The following GOLGA4 variants were observed in gnomAD, a reference collection of about 807,000 sequenced individuals.
GOLGA4 encodes the protein golgin A4, also known as golgin subfamily A member 4.
In GOLGA4, 169 loss-of-function variants were observed where a neutral mutation model predicts 265.9. The ratio of observed to expected loss-of-function variants is 0.64; its 90% CI spans 0.56 to 0.72. The LOEUF (loss-of-function observed/expected upper bound fraction) is 0.72. Among genes scored for constraint, GOLGA4 ranks in the 30% least tolerant of loss-of-function variants. The pLI, the probability that GOLGA4 is intolerant of heterozygous loss-of-function variation, is 0.00. For missense variants in GOLGA4, 2,482 were observed against 2,483.4 expected (o/e 1.00, Z 0.01); for synonymous variants, 923 against 855.8 (o/e 1.08, Z -1.37).
chr3:37,361,579 C>CA (rs1243884326), intron 23 of GOLGA4, among the ~76,000 whole-genome samples: 16 of 151,816 alleles, frequency 1.1e-4, no homozygotes, highest in African/African-American at 7.2e-5. Context: ...TTAAAGAATC[C>CA]AAAAAAGTAT....
At chr3:37,319,279 G>A (rs1352974863) in intron 12 of GOLGA4, 85 bp downstream of exon 12, 1 of 1,122,866 alleles carries the variant, frequency 8.9e-7, no homozygotes, top group Non-Finnish European at 1.3e-6. Context: ...CATTCCAGTT[G>A]GAAGTCAGAC....
rs2096970450 is a variant in GOLGA4 at position 37,326,254 on chromosome 3, T to G, written c.4368T>G (p.His1456Gln). ...AAGCACAGTCAAGATTTACACAGCA[T>G]CAAAACACTGTTAAAGAATTGCAGA... ...KKKAQSRFTQ[H>Q]QNTVKELQIQ... The change falls in exon 14 of 24, where the codon CAT becomes CAG. Residue 1456 changes from histidine (H) to glutamine (Q), a missense_variant. Transcript: ENST00000361924. 2 of 1,613,648 alleles carry G rather than the reference T, an allele frequency of 1.2e-6. No homozygotes were observed. The highest frequency in any genetic ancestry group is 1.3e-5 in the African/African-American group (1 of 75,036).
At chr3:37,317,586 G>A (rs997360533) in intron 11 of GOLGA4, among the ~76,000 whole-genome samples, 1 of 152,174 alleles carries the variant, frequency 6.6e-6, no homozygotes, top group African/African-American at 2.4e-5. Flanking sequence ...CCTAGTTGCT[G>A]TGAGGTCTGT....
At chr3:37,337,239 G>A (rs1234325962) in intron 18 of GOLGA4, 76 bp downstream of exon 18, 1 of 802,798 alleles carries the variant, frequency 1.2e-6, no homozygotes, top group Non-Finnish European at 2.0e-6. Flanking sequence ...CCAGGCTGTT[G>A]CCCAGGCTGG....
At chr3:37,328,293 C>G in intron 14 of GOLGA4, 123 bp from the exon 15 acceptor site, 1 of 868,658 alleles carries the variant, frequency 1.2e-6, no homozygotes, top group Non-Finnish European at 1.8e-6. Flanking sequence ...CTCTCTCTCT[C>G]TCTCTCTCAA....
chr3:37,313,349 T>G (rs2096928145), intron 10 of GOLGA4: 1 of 152,232 alleles, frequency 6.6e-6, no homozygotes, highest in South Asian at 2.1e-4. Context: ...GATGTTTGTC[T>G]TCAAGTTTGC....
intron 16 of GOLGA4, among the ~76,000 whole-genome samples, chr3:37,333,718 A>G (rs2096999420): frequency 6.6e-6 from 1 of 152,180 alleles, no homozygotes; most frequent in Non-Finnish European, 1.5e-5. Context: ...GGTGGAGGCC[A>G]AATTCACGTG....
chr3:37,285,846 GA>G (rs2096846971), intron 3 of GOLGA4, among the ~76,000 whole-genome samples, 167 bp from the exon 4 acceptor site: 1 of 152,158 alleles, frequency 6.6e-6, no homozygotes. Context: ...TTATTTTTTA[GA>G]AATGTATGTC....
At position 37,353,791 on chromosome 3, in the gene GOLGA4, TA is replaced by T. The variant is rs1282594260; in HGVS notation, c.6577-1309del. Among the ~76,000 whole-genome samples the T allele has an allele frequency of 2.0e-5, 3 of 152,034 alleles. No individual in the cohort carries two copies. The East Asian group carries it at 5.8e-4, about 29-fold the overall frequency. Reference sequence around the variant, plus strand: ...TTTTTTGTAGAGATGGGGGTCTCACTATGTTTCCCAGGCTAGTCTCTAAACT... The same window carrying T: ...TTTTTTGTAGAGATGGGGGTCTCACTTGTTTCCCAGGCTAGTCTCTAAACT... On this transcript the variant is annotated intron_variant, in intron 21 of 23. Transcript: ENST00000361924.
In GOLGA4 at chr3:37,314,642, A is replaced by AACACACACACACACAC. The variant is rs60890140; in HGVS notation, c.1235-753_1235-738dup. Among the ~76,000 whole-genome samples the AACACACACACACACAC allele has an allele frequency of 6.5e-3, 903 of 139,022 alleles. 8 individuals carry two copies. The highest frequency in any genetic ancestry group is 8.2e-3 in the African/African-American group (301 of 36,886). 91.2% of individuals were successfully genotyped at this position (139,022 alleles called of 152,430 possible). On this transcript the variant is annotated intron_variant, in intron 10 of 23. Coordinates refer to ENST00000361924, the MANE Select transcript of GOLGA4 (RefSeq NM_002078.5). ...GGTGACGGAGCAAGACTCCGTCTCA[A>AACACACACACACACAC]ACACACACACACACACACACACACA...
At chr3:37,271,744 C>A (rs889127766) in intron 2 of GOLGA4, among the ~76,000 whole-genome samples, 7 of 152,132 alleles carry the variant, frequency 4.6e-5, no homozygotes, top group Admixed American at 4.6e-4. Flanking sequence ...TAAAACAGTG[C>A]TTCCCAACCT....
At chr3:37,251,297 C>A in intron 1 of GOLGA4, 98 bp from the exon 2 acceptor site, 1 of 682,846 alleles carries the variant, frequency 1.5e-6, no homozygotes, top group Non-Finnish European at 2.5e-6. Flanking sequence ...CTTTCTTTCA[C>A]TGAATTCTTT....
At chr3:37,290,265 A>G (rs1045824867) in intron 5 of GOLGA4, among the ~76,000 whole-genome samples, 4 of 152,198 alleles carry the variant, frequency 2.6e-5, no homozygotes, top group East Asian at 1.9e-4. Flanking sequence ...ATATAGCCGT[A>G]TTGTCCCATA....
intron 2 of GOLGA4, among the ~76,000 whole-genome samples, chr3:37,257,997 GTATATATACATACATATATATA>G (rs1578371926): frequency 1.4e-5 from 1 of 71,286 alleles, no homozygotes; most frequent in Non-Finnish European, 2.4e-5. Flanking sequence ...ATGTATATAT[GTATATATACATACATATATATA>G]TGTATGTATA....
chr3:37,312,979 C>T (rs575363146), intron 10 of GOLGA4, among the ~76,000 whole-genome samples: 7 of 152,188 alleles, frequency 4.6e-5, no homozygotes, highest in Middle Eastern at 3.4e-3. Flanking sequence ...GCCAGCGCGA[C>T]GGATCACGAG....
At chr3:37,286,134 C>CTTTTTTTTTTT (rs1559383108) in intron 4 of GOLGA4, 73 bp downstream of exon 4, 8 of 149,202 alleles carry the variant, frequency 5.4e-5, no homozygotes, top group African/African-American at 2.1e-4. Flanking sequence ...TAAGATATTT[C>CTTTTTTTTTTT]TTTCTTTTTT....
chr3:37,258,874 C>T (rs977420834), intron 2 of GOLGA4, among the ~76,000 whole-genome samples: 36 of 151,894 alleles, frequency 2.4e-4, no homozygotes, highest in Admixed American at 1.9e-3. Flanking sequence ...TATATATTAC[C>T]GGATTGATTC....
At chr3:37,298,684 A>T in intron 7 of GOLGA4, 149 bp from the exon 8 acceptor site, 1 of 571,030 alleles carries the variant, frequency 1.8e-6, no homozygotes, top group East Asian at 2.9e-5. Context: ...AGTTCAGCCT[A>T]CACCCAGGAA....
chr3:37,337,710 G>C lies in GOLGA4; in HGVS notation c.6372G>C (p.Leu2124Phe). The C allele has an allele frequency of 6.2e-7, 1 of 1,610,648 alleles. No homozygotes were observed. The highest frequency in any genetic ancestry group is 1.3e-5 in the African/African-American group (1 of 74,948). The change falls in exon 19 of 24, where the codon TTG becomes TTC. Residue 2124 changes from leucine (L) to phenylalanine (F), a missense_variant. This residue lies in a region of GOLGA4 where 942 missense variants were observed against 983.1 expected (regional missense o/e 0.96). Transcript: ENST00000361924. ...QKTTLISDSK[L>F]KEQEFREQIH... The stretch of plus-strand genomic sequence containing the variant: ...CGACTTTAATCAGTGATTCGAAATT[G>C]AAAGAGCAAGAGTTCAGAGAACAGG...
Sources: allele counts gnomAD v4.1 joint callset (sites outside exome capture counted in the v4.1 genomes callset), GRCh38; gene constraint gnomAD v4.1.1; regional missense constraint gnomAD v4.1.1; transcripts MANE v1.5; gene names NCBI Gene and HGNC (gene_info 2026-07-23, HGNC 2026-07-21).